ESR1: variants seen among roughly 807,000 people sequenced by gnomAD.
ESR1 encodes the protein estrogen receptor.
A neutral mutation model predicts 52.7 loss-of-function variants in ESR1; 12 were observed. The observed-to-expected ratio is 0.23, with a 90% confidence interval of 0.15 to 0.37. The LOEUF is 0.37. Among genes scored for constraint, ESR1 ranks in the 10% least tolerant of loss-of-function variants. The pLI is 1.00. For synonymous variants in ESR1, 305 were observed against 316.8 expected (o/e 0.96, Z 0.39); for missense variants, 584 against 779.7 (o/e 0.75, Z 2.99).
chr6:151,898,964 CA>C (rs1294445867), intron 3 of ESR1, among the ~76,000 whole-genome samples: 1 of 152,048 alleles, frequency 6.6e-6, no homozygotes, highest in East Asian at 1.9e-4. Context: ...CCTCACTTCC[CA>C]GTAGGGGCGG....
intron 5 of ESR1, among the ~76,000 whole-genome samples, chr6:152,049,166 G>C (rs530769225): frequency 1.3e-5 from 2 of 152,306 alleles, no homozygotes; most frequent in African/African-American, 4.8e-5. Flanking sequence ...ATCTATAGAA[G>C]TATAGAATTC....
chr6:151,713,867 C>T (rs1780817255), intron 2 of ESR1, among the ~76,000 whole-genome samples: 1 of 151,804 alleles, frequency 6.6e-6, no homozygotes, highest in Non-Finnish European at 1.5e-5. Flanking sequence ...TTAGTTATTT[C>T]TTGTCTTCTG....
At chr6:151,922,490 G>A (rs1471403934) in intron 3 of ESR1, among the ~76,000 whole-genome samples, 3 of 152,100 alleles carry the variant, frequency 2.0e-5, no homozygotes, top group Non-Finnish European at 4.4e-5. Context: ...TATGCTTTGG[G>A]TACAGTCCAA....
chr6:151,671,285 G>A (rs1778049129), intron 1 of ESR1, among the ~76,000 whole-genome samples: 1 of 152,184 alleles, frequency 6.6e-6, no homozygotes, highest in African/African-American at 2.4e-5. Context: ...CGACCTGAGT[G>A]TCCATCAACA....
intron 1 of ESR1, among the ~76,000 whole-genome samples, chr6:151,815,929 G>A (rs540411817): frequency 6.6e-6 from 1 of 152,098 alleles, no homozygotes; most frequent in Non-Finnish European, 1.5e-5. Context: ...TGATTTTGCT[G>A]TTTAAAATGG....
chr6:151,668,871 G>T (rs921833138), intron 1 of ESR1, among the ~76,000 whole-genome samples: 6 of 152,050 alleles, frequency 3.9e-5, no homozygotes, highest in African/African-American at 1.4e-4. Flanking sequence ...GCAGGATTTG[G>T]CCACTTAGAG....
intron 2 of ESR1, among the ~76,000 whole-genome samples, chr6:151,861,796 T>C (rs1462769623): frequency 6.6e-6 from 1 of 152,064 alleles, no homozygotes; most frequent in South Asian, 2.1e-4. Flanking sequence ...TTTTCCAGCA[T>C]TAGAATAGTT....
At chr6:152,118,970 T>C (rs2051243342) in intron 6 of ESR1, among the ~76,000 whole-genome samples, 1 of 152,102 alleles carries the variant, frequency 6.6e-6, no homozygotes, top group African/African-American at 2.4e-5. Context: ...TTTCAATTTC[T>C]CCACAATCCC....
downstream of ESR1, among the ~76,000 whole-genome samples, chr6:152,105,815 C>G (rs1461872965): frequency 8.5e-6 from 1 of 117,406 alleles, no homozygotes; most frequent in African/African-American, 3.3e-5. Flanking sequence ...GAGTCTCGCT[C>G]TGTCGCCCAG....
chr6:152,044,419 G>A (rs889674517), intron 5 of ESR1, among the ~76,000 whole-genome samples: 4 of 152,186 alleles, frequency 2.6e-5, no homozygotes, highest in African/African-American at 4.8e-5. Context: ...AGAGGGACAG[G>A]ACTCACAGGT....
intron 2 of ESR1, among the ~76,000 whole-genome samples, chr6:151,876,654 G>A (rs149522110): frequency 1.9e-3 from 287 of 152,294 alleles, no homozygotes; most frequent in Middle Eastern, 3.4e-3. Context: ...GGGTCCTTCT[G>A]TTGCTGCAGG....
intron 4 of ESR1, among the ~76,000 whole-genome samples, chr6:151,996,416 G>A (rs748475730): frequency 1.3e-5 from 2 of 152,028 alleles, no homozygotes; most frequent in Non-Finnish European, 2.9e-5. Flanking sequence ...CTTCTGCCTG[G>A]AATGAGGCTC....
At chr6:151,908,234 G>A (rs962960918) in intron 3 of ESR1, among the ~76,000 whole-genome samples, 9 of 151,886 alleles carry the variant, frequency 5.9e-5, no homozygotes, top group African/African-American at 1.7e-4. Context: ...CTTTCTTCAC[G>A]GAAATTCTTT....
intron 4 of ESR1, among the ~76,000 whole-genome samples, chr6:151,987,995 A>G (rs2040653160): frequency 6.6e-6 from 1 of 152,182 alleles, no homozygotes; most frequent in Admixed American, 6.5e-5. Flanking sequence ...GCCTAAACTC[A>G]GTATAGTTTT....
intron 4 of ESR1, among the ~76,000 whole-genome samples, chr6:151,951,756 T>C (rs1415777082): frequency 6.6e-6 from 1 of 152,226 alleles, no homozygotes; most frequent in Non-Finnish European, 1.5e-5. Flanking sequence ...GTTAGTCCAC[T>C]CAGAACCTCA....
intron 2 of ESR1, among the ~76,000 whole-genome samples, chr6:151,875,720 T>C (rs1457075189): frequency 6.6e-6 from 1 of 151,982 alleles, no homozygotes; most frequent in African/African-American, 2.4e-5. Flanking sequence ...AAAAGTGTGT[T>C]TCCATGAAGA....
chr6:151,690,282 G>A (rs1282059033), upstream of ESR1, among the ~76,000 whole-genome samples: 1 of 152,088 alleles, frequency 6.6e-6, no homozygotes, highest in East Asian at 1.9e-4. Context: ...GAGAAAATCG[G>A]CTGGATGGCA....
chr6:151,690,149 G>A (rs1387458107), upstream of ESR1, among the ~76,000 whole-genome samples: 1 of 152,170 alleles, frequency 6.6e-6, no homozygotes, highest in Non-Finnish European at 1.5e-5. Flanking sequence ...ATATTTCCTT[G>A]CCCCTGCTTT....
At chr6:151,846,010 G>A (rs1785051217) in intron 2 of ESR1, among the ~76,000 whole-genome samples, 1 of 152,160 alleles carries the variant, frequency 6.6e-6, no homozygotes, top group Non-Finnish European at 1.5e-5. Context: ...CAAGATAGAG[G>A]TGAAGGCAGT....
Sources: allele counts gnomAD v4.1 joint callset (sites outside exome capture counted in the v4.1 genomes callset), GRCh38; gene constraint gnomAD v4.1.1; transcripts MANE v1.5; gene names NCBI Gene and HGNC (gene_info 2026-07-23, HGNC 2026-07-21).